MBD5: variants seen among roughly 807,000 people sequenced by gnomAD.
MBD5 encodes methyl-CpG binding domain protein 5.
A neutral mutation model predicts 117.3 loss-of-function variants in MBD5; 13 were observed. The ratio of observed to expected loss-of-function variants is 0.11; its 90% CI spans 0.07 to 0.18. The LOEUF is 0.18. MBD5 is among the 10% of genes least tolerant of loss of function. MBD5 has a pLI of 1.00. For synonymous variants in MBD5, 727 were observed against 766.4 expected, an observed-to-expected ratio of 0.95 and a Z score of 0.85; for missense variants, 1,879 against 2,093.8, an observed-to-expected ratio of 0.90 and a Z score of 2.00.
At chr2:148,354,582 A>G (rs1346845535) in intron 4 of MBD5, among the ~76,000 whole-genome samples, 2 of 152,168 alleles carry the variant, frequency 1.3e-5, no homozygotes, top group Non-Finnish European at 1.5e-5. Context: ...ACATACATGT[A>G]CATGTGTCTT....
intron 8 of MBD5, among the ~76,000 whole-genome samples, chr2:148,482,814 G>A (rs1559094480): frequency 6.6e-6 from 1 of 152,018 alleles, no homozygotes; most frequent in African/African-American, 2.4e-5. Flanking sequence ...CAAGCTATTT[G>A]ATAGTCAGCA....
chr2:148,161,530 CTT>C (rs1270362018), intron 1 of MBD5, among the ~76,000 whole-genome samples: 1 of 152,162 alleles, frequency 6.6e-6, no homozygotes, highest in Non-Finnish European at 1.5e-5. Flanking sequence ...CTCCAAATGA[CTT>C]TAATCCATAC....
intron 2 of MBD5, among the ~76,000 whole-genome samples, chr2:148,218,744 A>G (rs1158225993): frequency 6.6e-6 from 1 of 152,238 alleles, no homozygotes; most frequent in East Asian, 1.9e-4. Context: ...TGGTATTTGT[A>G]TATCTAAACA....
In MBD5 at chr2:148,154,707, G is replaced by A. The variant is rs551659486; in HGVS notation, c.-924-23993G>A. On this transcript the variant is annotated intron_variant, in intron 1 of 13. Coordinates refer to ENST00000642680, the MANE Select transcript of MBD5 (RefSeq NM_001378120.1). ...GTGACCCGATTTTCCAGGTGTGTCCGTCACCCCTTTCTTTGACTGGGAAAG... is the reference window on the plus strand; with the variant it reads ...GTGACCCGATTTTCCAGGTGTGTCCATCACCCCTTTCTTTGACTGGGAAAG... 4.6e-5 allele frequency among the ~76,000 whole-genome samples: 7 copies of A among 152,242 alleles called. No individual in the cohort carries two copies. In the South Asian group the frequency reaches 1.0e-3, roughly 23 times the overall value.
chr2:148,226,304 C>T (rs560707743), intron 2 of MBD5, among the ~76,000 whole-genome samples: 63 of 152,100 alleles, frequency 4.1e-4, no homozygotes, highest in African/African-American at 1.5e-3. Context: ...GATGTTCCCC[C>T]TCCTGTGTCC....
intron 2 of MBD5, among the ~76,000 whole-genome samples, chr2:148,179,645 T>G (rs920148967): frequency 6.6e-6 from 1 of 152,206 alleles, no homozygotes; most frequent in Non-Finnish European, 1.5e-5. Flanking sequence ...TAGCACGTTC[T>G]GTTCATGCCT....
rs190434811 is a variant in MBD5, at chr2:148,151,777, C to T, written c.-924-26923C>T. 1.9e-3 allele frequency among the ~76,000 whole-genome samples: 294 copies of T among 151,940 alleles called. 1 individual carries two copies. The highest frequency in any genetic ancestry group is 0.01 in the Middle Eastern group (3 of 294). Reference sequence around the variant, plus strand: ...ATGGTAGTTTGTATTTCTGTGGGATCGGTGGTGATATCCCCTTTATCATTT... The same window carrying T: ...ATGGTAGTTTGTATTTCTGTGGGATTGGTGGTGATATCCCCTTTATCATTT... On this transcript the variant is annotated intron_variant, in intron 1 of 13. Coordinates refer to ENST00000642680, the MANE Select transcript of MBD5 (RefSeq NM_001378120.1).
At chr2:148,207,894 A>G (rs1011441889) in intron 2 of MBD5, among the ~76,000 whole-genome samples, 5 of 152,216 alleles carry the variant, frequency 3.3e-5, no homozygotes, top group African/African-American at 1.2e-4. Context: ...ACCCTAAAGC[A>G]TGTTGTTTGT....
At position 148,463,758 on chromosome 2, in the gene MBD5, G is replaced by A. The variant is rs34995577; in HGVS notation, c.236G>A (p.Gly79Glu). 8.7e-4 allele frequency: 1,400 copies of A among 1,613,622 alleles called. 1 individual carries two copies. Among genetic ancestry groups the A allele is most frequent in the Non-Finnish European group, 1.1e-3 (1,301 of 1,179,712 alleles). Reference sequence around the variant, plus strand: ...TTCCAGGTATTTAATTTTGATCCTGGAGCTGCTGTGAAACAGAGAACCGCA... The same window carrying A: ...TTCCAGGTATTTAATTTTGATCCTGAAGCTGCTGTGAAACAGAGAACCGCA... ...ILPKVFNFDP[G>E]AAVKQRTAED... The change falls in exon 7 of 14, where the codon GGA (glycine) becomes GAA (glutamate). Residue 79 changes from glycine to glutamate, a missense_variant. Transcript: ENST00000642680.
chr2:148,201,137 A>G (rs1699129047), intron 2 of MBD5, among the ~76,000 whole-genome samples: 1 of 152,158 alleles, frequency 6.6e-6, no homozygotes. Flanking sequence ...TTGACACACC[A>G]GGCCATGCCT....
chr2:148,464,553 A>G (rs1707198524), intron 7 of MBD5, among the ~76,000 whole-genome samples: 1 of 152,062 alleles, frequency 6.6e-6, no homozygotes, highest in Non-Finnish European at 1.5e-5. Context: ...CATAAACACG[A>G]TCTAAGGCTC....
chr2:148,203,761 A>C (rs182231118), intron 2 of MBD5, among the ~76,000 whole-genome samples: 106 of 150,432 alleles, frequency 7.0e-4, no homozygotes, highest in African/African-American at 2.5e-3. Context: ...GATTCTGCTG[A>C]CAACTCATCT....
chr2:148,210,270 T>C (rs1371641954), intron 2 of MBD5, among the ~76,000 whole-genome samples: 1 of 152,136 alleles, frequency 6.6e-6, no homozygotes, highest in Non-Finnish European at 1.5e-5. Flanking sequence ...TACTACTAAA[T>C]TATCTTCATT....
chr2:148,400,332 C>CA (rs1704879769), intron 4 of MBD5, among the ~76,000 whole-genome samples: 1 of 152,034 alleles, frequency 6.6e-6, no homozygotes, highest in Non-Finnish European at 1.5e-5. Context: ...GCACCTAAGA[C>CA]AGAGCAGGAA....
intron 4 of MBD5, among the ~76,000 whole-genome samples, chr2:148,424,137 C>T (rs1289881195): frequency 7.7e-6 from 1 of 130,392 alleles, no homozygotes; most frequent in African/African-American, 2.9e-5. Context: ...GAGATTGCGC[C>T]ACTGCACTCC....
intron 4 of MBD5, among the ~76,000 whole-genome samples, chr2:148,401,818 G>A (rs1301272130): frequency 3.3e-5 from 5 of 151,984 alleles, no homozygotes; most frequent in East Asian, 1.9e-4. Context: ...AGGATCCCAC[G>A]TTACATTTAG....
At chr2:148,258,032 G>A (rs529632884) in intron 3 of MBD5, among the ~76,000 whole-genome samples, 4 of 152,256 alleles carry the variant, frequency 2.6e-5, no homozygotes, top group South Asian at 2.1e-4. Flanking sequence ...TGGGTGCCAC[G>A]CACTATCTGC....
chr2:148,336,190 T>A lies in MBD5; in HGVS notation c.-679-6024T>A, dbSNP rs1241187171. Among the ~76,000 whole-genome samples, 3 of 152,218 alleles carry A rather than the reference T, an allele frequency of 2.0e-5. No individual in the cohort carries two copies. In the East Asian group the frequency reaches 5.8e-4, roughly 29 times the overall value. ...GCTATGTAAGTTTAAGTTTTGTAGT[T>A]ATTGATCTTAAATCTGTAAAACATT... is the stretch of plus-strand genomic sequence containing the variant. On this transcript the variant is annotated intron_variant, in intron 3 of 13. Coordinates refer to ENST00000642680, the MANE Select transcript of MBD5 (RefSeq NM_001378120.1).
rs541770219 is a variant in MBD5, at chr2:148,199,975, A to G, written c.-831+21182A>G. Among the ~76,000 whole-genome samples the G allele has an allele frequency of 2.0e-5, 3 of 152,330 alleles. No homozygotes were observed. The South Asian group carries it at 6.2e-4, about 32-fold the overall frequency. On this transcript the variant is annotated intron_variant, in intron 2 of 13. Transcript: ENST00000642680. ...TTAAGTCTTCCAAAATAATCATCTTAGGAAGCTGTACATTTATCTTATGAT... is the reference window on the plus strand; with the variant it reads ...TTAAGTCTTCCAAAATAATCATCTTGGGAAGCTGTACATTTATCTTATGAT...
Sources: allele counts gnomAD v4.1 joint callset (sites outside exome capture counted in the v4.1 genomes callset), GRCh38; gene constraint gnomAD v4.1.1; transcripts MANE v1.5; gene names NCBI Gene and HGNC (gene_info 2026-07-23, HGNC 2026-07-21).